The following CLPB variants were observed in gnomAD, a reference collection of about 807,000 sequenced individuals.
The protein encoded by CLPB is mitochondrial disaggregase.
A neutral mutation model predicts 78.4 loss-of-function variants in CLPB; 40 were observed. That is an observed-to-expected ratio of 0.51 (90% CI 0.40 to 0.66). The LOEUF is 0.66. Among genes scored for constraint, CLPB ranks in the 30% least tolerant of loss-of-function variants. The pLI, the probability that CLPB is intolerant of heterozygous loss-of-function variation, is 0.00. For missense variants in CLPB, 780 were observed against 886.9 expected (o/e 0.88, Z 1.53); for synonymous variants, 333 against 348.0 (o/e 0.96, Z 0.48).
chr11:72,412,855 G>A (rs1329078155), intron 2 of CLPB, among the ~76,000 whole-genome samples: 1 of 152,180 alleles, frequency 6.6e-6, no homozygotes, highest in East Asian at 1.9e-4. Context: ...AACACTGGGT[G>A]ATCATTCTTT....
intron 4 of CLPB, among the ~76,000 whole-genome samples, chr11:72,376,395 G>A (rs908942898): frequency 5.3e-5 from 8 of 152,200 alleles, no homozygotes; most frequent in Non-Finnish European, 8.8e-5. Flanking sequence ...AGGCTGATGA[G>A]AGAGAAGAGC....
In CLPB at chr11:72,302,331, G is replaced by A. The variant is rs200950385; in HGVS notation, c.1140C>T (p.Asp380=). 66 of 1,614,114 alleles carry A rather than the reference G, an allele frequency of 4.1e-5. 1 individual carries two copies. Among genetic ancestry groups the A allele is most frequent in the Admixed American group, 1.2e-4 (7 of 60,018 alleles). ...KDAKKGFIRL[D]MSEFQERHEV... ...CGTGTCGCTCCTGGAACTCGGACAT[G>A]TCCAGCCTGATGAAGCCCTGTGTGG... is the stretch of plus-strand genomic sequence containing the variant. Residue 380 remains aspartate (D), a synonymous_variant, in exon 10 of 16, where the codon GAC becomes GAT. Transcript: ENST00000538039.
chr11:72,314,892 C>A (rs1490280070), intron 7 of CLPB, among the ~76,000 whole-genome samples: 2 of 152,088 alleles, frequency 1.3e-5, no homozygotes, highest in Non-Finnish European at 2.9e-5. Context: ...CAGGAGCAGG[C>A]CTGCATGCCA....
intron 6 of CLPB, among the ~76,000 whole-genome samples, chr11:72,329,397 G>A (rs1472458959): frequency 6.6e-6 from 1 of 152,150 alleles, no homozygotes; most frequent in Non-Finnish European, 1.5e-5. Flanking sequence ...CCCCTCCTCT[G>A]AAAAGGACCT....
chr11:72,422,898 G>GCT (rs1358167270), intron 2 of CLPB, among the ~76,000 whole-genome samples: 2 of 152,190 alleles, frequency 1.3e-5, no homozygotes, highest in African/African-American at 4.8e-5. Context: ...CTGGCACATG[G>GCT]ACAGCAAGTG....
intron 3 of CLPB, among the ~76,000 whole-genome samples, chr11:72,383,110 G>A (rs1354621470): frequency 6.6e-6 from 1 of 151,330 alleles, no homozygotes; most frequent in African/African-American, 2.4e-5. Context: ...AACTGATCAA[G>A]CAGAAGACAG....
intron 5 of CLPB, among the ~76,000 whole-genome samples, chr11:72,338,587 T>C (rs1240299630): frequency 6.6e-6 from 1 of 152,230 alleles, no homozygotes; most frequent in Non-Finnish European, 1.5e-5. Flanking sequence ...TCAGACTTTA[T>C]GTTCTGCAGA....
chr11:72,363,155 CA>C (rs972519760), intron 4 of CLPB, among the ~76,000 whole-genome samples: 32 of 87,400 alleles, frequency 3.7e-4, no homozygotes, highest in African/African-American at 7.7e-4. Flanking sequence ...GACCCTGTCT[CA>C]AAAAAAAAAG....
intron 8 of CLPB, 61 bp downstream of exon 8, chr11:72,308,466 A>G (rs367874802): frequency 1.5e-5 from 22 of 1,485,316 alleles, no homozygotes; most frequent in Admixed American, 8.4e-5. Context: ...TGGGGCTGTC[A>G]GACTTGGGCC....
At chr11:72,318,424 G>C (rs1949988439) in intron 6 of CLPB, among the ~76,000 whole-genome samples, 1 of 152,136 alleles carries the variant, frequency 6.6e-6, no homozygotes, top group African/African-American at 2.4e-5. Context: ...CCTGATGGTA[G>C]AGTATTTGTG....
chr11:72,383,759 A>C (rs1022119580), intron 3 of CLPB, among the ~76,000 whole-genome samples: 8 of 152,170 alleles, frequency 5.3e-5, no homozygotes, highest in Non-Finnish European at 7.4e-5. Flanking sequence ...AATCAAGGAA[A>C]GATAAAGACT....
In CLPB at chr11:72,430,436, C is replaced by T. The variant is rs1856512355; in HGVS notation, c.404-73G>A. ...ATCTCAGGACTGCGTGGAGGGCCCACTAAGACAGTGGCAGTACTTTAGAAA... is the reference window on the plus strand; with the variant it reads ...ATCTCAGGACTGCGTGGAGGGCCCATTAAGACAGTGGCAGTACTTTAGAAA... On this transcript the variant is annotated intron_variant, in intron 1 of 15. Transcript: ENST00000538039. The T allele has an allele frequency of 3.7e-6, 5 of 1,340,676 alleles. No individual in the cohort carries two copies. In the South Asian group the frequency reaches 5.1e-5, roughly 14 times the overall value. 83.0% of individuals were successfully genotyped at this position (1,340,676 alleles called of 1,614,324 possible). A position where few individuals can be genotyped will look rare whatever the true frequency, so the allele number is the denominator to read the frequency against.
Position 72,335,350 on chromosome 11 carries a change from C to T in CLPB, c.776-5546G>A, listed in dbSNP as rs187537398. ...CAAGTGGAAAAATGGTGAGTTCTTCCAATTCCCTAAGAAGATACTCCCTTC... is the reference window on the plus strand; with the variant it reads ...CAAGTGGAAAAATGGTGAGTTCTTCTAATTCCCTAAGAAGATACTCCCTTC... On this transcript the variant is annotated intron_variant, in intron 5 of 15. Transcript: ENST00000538039. Among the ~76,000 whole-genome samples, 46 of 152,294 alleles carry T rather than the reference C, an allele frequency of 3.0e-4. No homozygotes were observed. The East Asian group carries it at 8.7e-3, about 29-fold the overall frequency.
At chr11:72,424,134 T>C (rs1187638668) in intron 2 of CLPB, among the ~76,000 whole-genome samples, 1 of 152,258 alleles carries the variant, frequency 6.6e-6, no homozygotes, top group Admixed American at 6.5e-5. Context: ...TAGCATATTT[T>C]CAGGGTTCAT....
At chr11:72,395,014 T>G (rs747821790) in intron 3 of CLPB, among the ~76,000 whole-genome samples, 1 of 152,134 alleles carries the variant, frequency 6.6e-6, no homozygotes, top group Non-Finnish European at 1.5e-5. Flanking sequence ...CTCACAATGG[T>G]CCTTCTGCAA....
At chr11:72,311,539 T>C (rs901777932) in intron 7 of CLPB, among the ~76,000 whole-genome samples, 1 of 152,172 alleles carries the variant, frequency 6.6e-6, no homozygotes, top group Non-Finnish European at 1.5e-5. Flanking sequence ...CCCTGGGCTT[T>C]ACCCTCAGTT....
intron 3 of CLPB, 70 bp downstream of exon 3, chr11:72,402,896 G>T: frequency 7.8e-7 from 1 of 1,288,752 alleles, no homozygotes; most frequent in South Asian, 1.2e-5. Flanking sequence ...ACACCAGGTG[G>T]GAGAGTGCTC....
intron 4 of CLPB, among the ~76,000 whole-genome samples, chr11:72,378,923 T>C (rs1385925198): frequency 2.6e-5 from 4 of 152,082 alleles, no homozygotes; most frequent in Non-Finnish European, 4.4e-5. Context: ...TGAGGGCAGG[T>C]TGCAATTATT....
At chr11:72,397,343 A>G (rs931841438) in intron 3 of CLPB, among the ~76,000 whole-genome samples, 2 of 152,178 alleles carry the variant, frequency 1.3e-5, no homozygotes, top group African/African-American at 4.8e-5. Context: ...ATTTACATAC[A>G]GGTATTTTTG....
Sources: allele counts gnomAD v4.1 joint callset (sites outside exome capture counted in the v4.1 genomes callset), GRCh38; gene constraint gnomAD v4.1.1; transcripts MANE v1.5; gene names NCBI Gene and HGNC (gene_info 2026-07-23, HGNC 2026-07-21).